WFS1: variants seen among roughly 807,000 people sequenced by gnomAD.
The protein encoded by WFS1 is wolframin.
A neutral mutation model predicts 68.5 loss-of-function variants in WFS1; 90 were observed. The ratio of observed to expected loss-of-function variants is 1.31; its 90% CI spans 1.11 to 1.56. WFS1 has a LOEUF of 1.56. WFS1 is among the 40% of genes most tolerant of loss of function. WFS1 has a pLI of 0.00. For missense variants in WFS1, 1,767 were observed against 1,232.6 expected (o/e 1.43, Z -6.49); for synonymous variants, 860 against 540.7 (o/e 1.59, Z -8.19).
chr4:6,294,719 A>G (rs2109119286), intron 6 of WFS1: 2 of 391,116 alleles, frequency 5.1e-6, no homozygotes, highest in South Asian at 4.3e-5. Context: ...AAGGCTTGGC[A>G]GGTGAACTGG....
rs142518664 is a variant in WFS1 at position 6,301,889 on chromosome 4, C to A, written c.2094C>A (p.Val698=). The A allele has an allele frequency of 3.7e-6, 6 of 1,612,922 alleles. No individual in the cohort carries two copies. The East Asian group carries it at 8.9e-5, about 24-fold the overall frequency. The change falls in exon 8 of 8, where the codon GTC becomes GTA. Residue 698 remains valine (V), a synonymous_variant. Coordinates refer to ENST00000226760, the MANE Select transcript of WFS1 (RefSeq NM_006005.3). Reference sequence around the variant, plus strand: ...GCAGCCACCTGGAGGGCCACAGGGTCACGTGGACCGGCCGCTTCAAGTACG... The same window carrying A: ...GCAGCCACCTGGAGGGCCACAGGGTAACGTGGACCGGCCGCTTCAAGTACG... ...ILCSHLEGHR[V]TWTGRFKYVR... is the part of the protein sequence containing the mutation.
chr4:6,297,391 C>G (rs534074200), intron 7 of WFS1, among the ~76,000 whole-genome samples: 13 of 152,256 alleles, frequency 8.5e-5, no homozygotes, highest in African/African-American at 2.9e-4. Context: ...TGTGAGCCAC[C>G]CTTACTCCCA....
In WFS1 at chr4:6,297,659, C is replaced by G. The variant is rs577795372; in HGVS notation, c.861+2470C>G. On this transcript the variant is annotated intron_variant, in intron 7 of 7. Coordinates refer to ENST00000226760, the MANE Select transcript of WFS1 (RefSeq NM_006005.3). Reference sequence around the variant, plus strand: ...GTGGTGACGCTGCTTCCTGGTTTCTCGTGGCAGCAGAAGGGCCGATCACCA... The same window carrying G: ...GTGGTGACGCTGCTTCCTGGTTTCTGGTGGCAGCAGAAGGGCCGATCACCA... Among the ~76,000 whole-genome samples the G allele has an allele frequency of 3.0e-3, 464 of 152,220 alleles. 3 individuals carry two copies. Among genetic ancestry groups the G allele is most frequent in the African/African-American group, 0.01 (430 of 41,534 alleles).
At chr4:6,298,617 C>T (rs1418384511) in intron 7 of WFS1, among the ~76,000 whole-genome samples, 1 of 152,076 alleles carries the variant, frequency 6.6e-6, no homozygotes, top group Non-Finnish European at 1.5e-5. Flanking sequence ...CTGTCCTTCT[C>T]ATCTGTGGAA....
chr4:6,301,964 C>G lies in WFS1; in HGVS notation c.2169C>G (p.Leu723=). ...DNSAESAINM[L]PFFIGDWMRC... is the part of the protein sequence containing the mutation. ...GCGCCGAGTCTGCCATCAACATGCTCCCGTTCTTCATCGGCGACTGGATGC... is the reference window on the plus strand; with the variant it reads ...GCGCCGAGTCTGCCATCAACATGCTGCCGTTCTTCATCGGCGACTGGATGC... The change falls in exon 8 of 8, where the codon CTC becomes CTG. Residue 723 remains leucine, a synonymous_variant. Transcript: ENST00000226760. 1 of 1,612,828 alleles carries G rather than the reference C, an allele frequency of 6.2e-7. No homozygotes were observed. The highest frequency in any genetic ancestry group is 8.5e-7 in the Non-Finnish European group (1 of 1,179,944).
Position 6,300,810 on chromosome 4 carries a change from G to C in WFS1, c.1015G>C (p.Asp339His). Residue 339 changes from aspartate (D) to histidine (H), a missense_variant, in exon 8 of 8, where the codon GAC (aspartate) becomes CAC (histidine). Coordinates refer to ENST00000226760, the MANE Select transcript of WFS1 (RefSeq NM_006005.3). ...CTTCATCGTCAGCAACCTCACCATC[G>C]ACTTCTTCGCCTTCTTCATCCCGCT... is the stretch of plus-strand genomic sequence containing the variant. ...FFFIVSNLTI[D>H]FFAFFIPLVI... 2 of 1,613,912 alleles carry C rather than the reference G, an allele frequency of 1.2e-6. No individual in the cohort carries two copies. Among genetic ancestry groups the C allele is most frequent in the Non-Finnish European group, 1.7e-6 (2 of 1,179,914 alleles).
chr4:6,296,596 G>T (rs552545930), intron 7 of WFS1, among the ~76,000 whole-genome samples: 126 of 152,318 alleles, frequency 8.3e-4, no homozygotes, highest in Non-Finnish European at 1.4e-3. Context: ...TGGGGTGCTG[G>T]CATGGTTTTG....
intron 6 of WFS1, 69 bp from the exon 7 acceptor site, chr4:6,294,972 T>C (rs767030324): frequency 1.2e-6 from 2 of 1,609,740 alleles, no homozygotes; most frequent in Admixed American, 3.3e-5. Flanking sequence ...CCCCAGCCCA[T>C]TGCTCTGTGT....
chr4:6,297,363 A>T (rs954163238), intron 7 of WFS1, among the ~76,000 whole-genome samples: 2 of 152,182 alleles, frequency 1.3e-5, no homozygotes, highest in African/African-American at 4.8e-5. Flanking sequence ...CTCAAAGTGA[A>T]AATGACAGAC....
rs140407778 is a variant in WFS1 at position 6,282,127 on chromosome 4, G to T, written c.232+4440G>T. ...GGCCTGTTAGAAGGGTGCCCTCCCT[G>T]CCAGGGCCTCCAGCCACTGTCTGTC... On this transcript the variant is annotated intron_variant, in intron 2 of 7. Coordinates refer to ENST00000226760, the MANE Select transcript of WFS1 (RefSeq NM_006005.3). Among the ~76,000 whole-genome samples the T allele has an allele frequency of 1.6e-3, 246 of 152,356 alleles. 1 individual carries two copies. The highest frequency in any genetic ancestry group is 0.01 in the Middle Eastern group (3 of 294).
At chr4:6,293,019 A>C (rs776361324) in intron 6 of WFS1, among the ~76,000 whole-genome samples, 1 of 152,126 alleles carries the variant, frequency 6.6e-6, no homozygotes. Flanking sequence ...ACAAAGAAAC[A>C]CCTCACATGG....
Position 6,283,769 on chromosome 4 carries a change from C to T in WFS1, c.233-3324C>T, listed in dbSNP as rs1730229001. On this transcript the variant is annotated intron_variant, in intron 2 of 7. Coordinates refer to ENST00000226760, the MANE Select transcript of WFS1 (RefSeq NM_006005.3). The surrounding 1 kb of genome is among the most constrained non-coding windows in gnomAD (Gnocchi z 5.0). ...TGCAGCGCAGGGGAGGGGGCAGTGC[C>T]ACCCAGACCATGAGGACTGAGAGTG... 1.3e-5 allele frequency among the ~76,000 whole-genome samples: 2 copies of T among 152,184 alleles called. No homozygotes were observed. Among genetic ancestry groups the T allele is most frequent in the Admixed American group, 1.3e-4 (2 of 15,282 alleles).
At chr4:6,298,331 T>C (rs548027361) in intron 7 of WFS1, among the ~76,000 whole-genome samples, 10 of 152,238 alleles carry the variant, frequency 6.6e-5, no homozygotes, top group Non-Finnish European at 1.5e-4. Context: ...AAATGCCCTC[T>C]GGCTCTCTGG....
rs758020080 is a variant in WFS1 at position 6,301,874 on chromosome 4, G to T, written c.2079G>T (p.Leu693=). 3.7e-6 allele frequency: 6 copies of T among 1,612,844 alleles called. No homozygotes were observed. The South Asian group carries it at 5.5e-5, about 15-fold the overall frequency. The change falls in exon 8 of 8, where the codon CTG becomes CTT. Residue 693 remains leucine (L), a synonymous_variant. Transcript: ENST00000226760. ...MARTQILCSH[L]EGHRVTWTGR... Reference sequence around the variant, plus strand: ...GCACCCAGATCCTCTGCAGCCACCTGGAGGGCCACAGGGTCACGTGGACCG... The same window carrying T: ...GCACCCAGATCCTCTGCAGCCACCTTGAGGGCCACAGGGTCACGTGGACCG...
intron 6 of WFS1, among the ~76,000 whole-genome samples, chr4:6,293,921 T>A (rs1288692663): frequency 6.6e-6 from 1 of 152,178 alleles, no homozygotes; most frequent in Non-Finnish European, 1.5e-5. Context: ...GGCTGTCCCA[T>A]GGTCACCTCA....
rs1252423572 is a variant in WFS1 at position 6,287,164 on chromosome 4, G to A, written c.304G>A (p.Ala102Thr). Residue 102 changes from alanine to threonine, a missense_variant, in exon 3 of 8, where the codon GCA (alanine) becomes ACA (threonine). By Grantham distance (58) the Ala-to-Thr change is moderately conservative. Transcript: ENST00000226760. The surrounding 1 kb of genome is among the most constrained non-coding windows in gnomAD (Gnocchi z 6.4). ...GAGGGCCAAGGCCGGGGACCCCAAG[G>A]CACAGACTGAGGTGAGGACTGCGGT... ...LERAKAGDPK[A>T]QTEVGKHYLQ... 3 of 1,559,328 alleles carry A rather than the reference G, an allele frequency of 1.9e-6. No individual in the cohort carries two copies. In the Admixed American group the frequency reaches 5.8e-5, roughly 30 times the overall value.
intron 7 of WFS1, among the ~76,000 whole-genome samples, chr4:6,298,925 T>C (rs1042866052): frequency 6.6e-6 from 1 of 152,196 alleles, no homozygotes; most frequent in Non-Finnish European, 1.5e-5. Flanking sequence ...GATGGGGGGC[T>C]CCAGCCTGGA....
rs970102729 is a variant in WFS1, at chr4:6,302,578, A to G, written c.*110A>G. On this transcript the variant is annotated 3_prime_UTR_variant, in exon 8 of 8. Coordinates refer to ENST00000226760, the MANE Select transcript of WFS1 (RefSeq NM_006005.3). ...GTGCCGCCTGTGCCCACGTGTGCAG[A>G]CTGTGGCTGCAGAGACCTTGCGACC... 1 of 1,505,658 alleles carries G rather than the reference A, an allele frequency of 6.6e-7. No individual in the cohort carries two copies. Among genetic ancestry groups the G allele is most frequent in the Non-Finnish European group, 9.0e-7 (1 of 1,113,074 alleles). 93.3% of individuals were successfully genotyped at this position (1,505,658 alleles called of 1,614,324 possible). A position where few individuals can be genotyped will look rare whatever the true frequency, so the allele number is the denominator to read the frequency against.
chr4:6,297,814 ACT>A (rs1236479909), intron 7 of WFS1, among the ~76,000 whole-genome samples: 1 of 152,138 alleles, frequency 6.6e-6, no homozygotes, highest in African/African-American at 2.4e-5. Flanking sequence ...AGGAGACTGA[ACT>A]TTTTAATCCC....
Sources: allele counts gnomAD v4.1 joint callset (sites outside exome capture counted in the v4.1 genomes callset), GRCh38; gene constraint gnomAD v4.1.1; non-coding constraint Gnocchi (gnomAD v3.1); transcripts MANE v1.5; gene names NCBI Gene and HGNC (gene_info 2026-07-23, HGNC 2026-07-21).